The following SGSM1 variants were observed in gnomAD, a reference collection of about 807,000 sequenced individuals.
The protein encoded by SGSM1 is small G protein signaling modulator 1.
Under a neutral mutation model 133.8 loss-of-function variants are expected in SGSM1, and 73 were observed. The ratio of observed to expected loss-of-function variants is 0.55; its 90% confidence interval spans 0.45 to 0.66. SGSM1 has a LOEUF of 0.66. Ranked by LOEUF, SGSM1 falls within the 30% of genes least tolerant of loss-of-function variation. The probability of loss-of-function intolerance (pLI) is 0.00; values close to 1 mark genes in which losing one functional copy is unlikely to be tolerated. For synonymous variants in SGSM1, 563 were observed against 573.0 expected, an observed-to-expected ratio of 0.98 and a Z score of 0.25; for missense variants, 1,213 against 1,448.1, an observed-to-expected ratio of 0.84 and a Z score of 2.64.
intron 2 of SGSM1, among the ~76,000 whole-genome samples, chr22:24,822,088 C>CTTTTTTTTTTTTT (rs71320790): frequency 2.1e-5 from 2 of 96,178 alleles, no homozygotes; most frequent in East Asian, 7.8e-4. Flanking sequence ...TCATCTCTCT[C>CTTTTTTTTTTTTT]TTTTTTTTTT....
intron 2 of SGSM1, among the ~76,000 whole-genome samples, chr22:24,842,013 C>A (rs571910436): frequency 2.6e-5 from 4 of 152,182 alleles, no homozygotes. Context: ...TGGACTCCCC[C>A]ACCCCCAATG....
At chr22:24,917,874 C>T in intron 23 of SGSM1, 120 bp downstream of exon 23, 2 of 716,812 alleles carry the variant, frequency 2.8e-6, no homozygotes, top group Non-Finnish European at 2.3e-6. Flanking sequence ...GAGAGAAGCA[C>T]ATGTTTATGG....
At chr22:24,848,127 G>A (rs1341435807) in intron 4 of SGSM1, among the ~76,000 whole-genome samples, 1 of 151,700 alleles carries the variant, frequency 6.6e-6, no homozygotes, top group Non-Finnish European at 1.5e-5. Flanking sequence ...AGTTATTCAT[G>A]TCAGGTTTGT....
chr22:24,893,341 G>C, intron 16 of SGSM1, 90 bp from the exon 17 acceptor site: 1 of 1,349,866 alleles, frequency 7.4e-7, no homozygotes, highest in Non-Finnish European at 1.0e-6. Context: ...AATGTTGGAT[G>C]GATCAGAGCC....
At chr22:24,910,593 G>A (rs1006106369) in intron 21 of SGSM1, among the ~76,000 whole-genome samples, 22 of 152,134 alleles carry the variant, frequency 1.4e-4, no homozygotes, top group Admixed American at 1.2e-3. Flanking sequence ...GTTGCAGTGA[G>A]CTATGATCAT....
intron 8 of SGSM1, 168 bp from the exon 9 acceptor site, chr22:24,859,548 C>T: frequency 1.1e-6 from 1 of 923,216 alleles, no homozygotes; most frequent in Non-Finnish European, 1.7e-6. Context: ...CTTTGCTTAG[C>T]ATGGCCATCT....
intron 8 of SGSM1, among the ~76,000 whole-genome samples, chr22:24,859,426 G>A (rs1930995687): frequency 6.6e-6 from 1 of 152,180 alleles, no homozygotes; most frequent in Admixed American, 6.5e-5. Context: ...GAAGGAACCT[G>A]GGGTCAGGGA....
intron 13 of SGSM1, among the ~76,000 whole-genome samples, chr22:24,877,038 A>G (rs1256968238): frequency 6.6e-6 from 1 of 152,148 alleles, no homozygotes; most frequent in Non-Finnish European, 1.5e-5. Flanking sequence ...TGGGTGATGG[A>G]GCAGCTACCA....
chr22:24,875,161 GA>G (rs1404270475), intron 12 of SGSM1, among the ~76,000 whole-genome samples: 2 of 151,942 alleles, frequency 1.3e-5, no homozygotes, highest in Admixed American at 6.6e-5. Flanking sequence ...TGACATATGG[GA>G]AAAAAAGTGT....
chr22:24,813,473 C>G (rs1170233794), intron 2 of SGSM1, among the ~76,000 whole-genome samples: 1 of 152,162 alleles, frequency 6.6e-6, no homozygotes, highest in Non-Finnish European at 1.5e-5. Context: ...CACTACTCGC[C>G]CCACTGTGCC....
chr22:24,841,971 A>G (rs1201545566), intron 2 of SGSM1, among the ~76,000 whole-genome samples: 1 of 152,146 alleles, frequency 6.6e-6, no homozygotes, highest in Non-Finnish European at 1.5e-5. Flanking sequence ...TTAACCATGT[A>G]CATTCATGAA....
chr22:24,900,385 T>TTCTCTCTTTCTC (rs1491561814), intron 19 of SGSM1, among the ~76,000 whole-genome samples: 35 of 71,332 alleles, frequency 4.9e-4, no homozygotes, highest in African/African-American at 1.7e-3. Flanking sequence ...CTTTCTTTCT[T>TTCTCTCTTTCTC]TCTTTCTTTC....
Position 24,919,286 on chromosome 22 carries a change from G to A in SGSM1, c.3026-540G>A, listed in dbSNP as rs147693643. Among the ~76,000 whole-genome samples, 1,399 of 151,742 alleles carry A rather than the reference G, an allele frequency of 9.2e-3. 22 individuals are homozygous for A. Among genetic ancestry groups the A allele is most frequent in the African/African-American group, 0.032 (1,330 of 41,356 alleles). ...AGGCTGATCTTGAACTCCTGACCTCGTGATCCACCCGCCTCGGCCTCCCAA... is the reference window on the plus strand; with the variant it reads ...AGGCTGATCTTGAACTCCTGACCTCATGATCCACCCGCCTCGGCCTCCCAA... On this transcript the variant is annotated intron_variant, in intron 23 of 24. Coordinates refer to ENST00000400358, the MANE Select transcript of SGSM1 (RefSeq NM_001098497.3).
intron 4 of SGSM1, among the ~76,000 whole-genome samples, chr22:24,848,915 C>CT (rs1266517059): frequency 1.3e-5 from 2 of 152,200 alleles, no homozygotes; most frequent in Non-Finnish European, 2.9e-5. Context: ...GGATTTGACT[C>CT]TGTCAACTCC....
chr22:24,895,990 A>G (rs1205246373), intron 18 of SGSM1, among the ~76,000 whole-genome samples: 1 of 152,180 alleles, frequency 6.6e-6, no homozygotes, highest in Non-Finnish European at 1.5e-5. Flanking sequence ...TTGAGGCTGC[A>G]GTGAGCCATG....
intron 2 of SGSM1, among the ~76,000 whole-genome samples, chr22:24,816,543 G>A (rs1162269564): frequency 6.6e-6 from 1 of 150,870 alleles, no homozygotes; most frequent in East Asian, 2.0e-4. Context: ...AGCCTCCTGA[G>A]TAGCTGGGAA....
chr22:24,822,996 TTGAA>T (rs1278643401), intron 2 of SGSM1, among the ~76,000 whole-genome samples: 2 of 152,230 alleles, frequency 1.3e-5, no homozygotes, highest in African/African-American at 4.8e-5. Flanking sequence ...TAGGTGTCTC[TTGAA>T]TGAATGAACA....
At chr22:24,818,649 G>A (rs1391223723) in intron 2 of SGSM1, among the ~76,000 whole-genome samples, 1 of 151,796 alleles carries the variant, frequency 6.6e-6, no homozygotes, top group African/African-American at 2.4e-5. Context: ...TTACAGGTGT[G>A]AGCCACCGTG....
At chr22:24,917,819 T>C in intron 23 of SGSM1, 65 bp downstream of exon 23, 1 of 1,403,002 alleles carries the variant, frequency 7.1e-7, no homozygotes, top group Non-Finnish European at 9.9e-7. Context: ...GGGGAAAAGA[T>C]CCCGTGGAGG....
Sources: allele counts gnomAD v4.1 joint callset (sites outside exome capture counted in the v4.1 genomes callset), GRCh38; gene constraint gnomAD v4.1.1; transcripts MANE v1.5; gene names NCBI Gene and HGNC (gene_info 2026-07-23, HGNC 2026-07-21).